The following ZNF804A variants were observed in gnomAD, a reference collection of about 807,000 sequenced individuals.
ZNF804A encodes the protein zinc finger protein 804A.
A neutral mutation model predicts 16.5 loss-of-function variants in ZNF804A; 2 were observed. The ratio of observed to expected loss-of-function variants is 0.12; its 90% CI spans 0.05 to 0.38. The LOEUF (loss-of-function observed/expected upper bound fraction) is 0.38. ZNF804A is among the 10% of genes least tolerant of loss of function. ZNF804A has a pLI of 0.99. For missense variants in ZNF804A, 1,473 were observed against 1,390.7 expected, an observed-to-expected ratio of 1.06 and a Z score of -0.94; for synonymous variants, 534 against 489.6, an observed-to-expected ratio of 1.09 and a Z score of -1.20.
chr2:184,642,913 G>A (rs376608151), intron 1 of ZNF804A, among the ~76,000 whole-genome samples: 4 of 152,042 alleles, frequency 2.6e-5, no homozygotes, highest in East Asian at 3.9e-4. Context: ...ATGGATAATG[G>A]AGTCATATAT....
At chr2:184,705,816 G>A (rs949176233) in intron 1 of ZNF804A, among the ~76,000 whole-genome samples, 2 of 151,988 alleles carry the variant, frequency 1.3e-5, no homozygotes, top group African/African-American at 4.8e-5. Context: ...TGTGGTTTGG[G>A]GCTTAAAACA....
At chr2:184,882,872 G>A (rs1047223289) in intron 2 of ZNF804A, among the ~76,000 whole-genome samples, 2 of 151,700 alleles carry the variant, frequency 1.3e-5, no homozygotes, top group Non-Finnish European at 2.9e-5. Flanking sequence ...CACAACTAAA[G>A]GAACTAGAGG....
intron 2 of ZNF804A, among the ~76,000 whole-genome samples, chr2:184,933,125 T>G (rs1035917755): frequency 2.3e-5 from 3 of 133,012 alleles, no homozygotes; most frequent in African/African-American, 8.9e-5. Flanking sequence ...AATAAACTTT[T>G]CACTTACACA....
At chr2:184,893,143 TATATTAAA>T (rs1685014293) in intron 2 of ZNF804A, among the ~76,000 whole-genome samples, 1 of 152,096 alleles carries the variant, frequency 6.6e-6, no homozygotes, top group Non-Finnish European at 1.5e-5. Flanking sequence ...TCTACAAGTA[TATATTAAA>T]ATATTCTCAT....
At chr2:184,892,364 A>AT (rs1325952770) in intron 2 of ZNF804A, among the ~76,000 whole-genome samples, 4 of 151,864 alleles carry the variant, frequency 2.6e-5, no homozygotes, top group Non-Finnish European at 4.4e-5. Flanking sequence ...GGTAATGTGC[A>AT]TTTTTTGGGT....
chr2:184,892,125 T>A (rs188091970), intron 2 of ZNF804A, among the ~76,000 whole-genome samples: 68 of 152,338 alleles, frequency 4.5e-4, no homozygotes, highest in Non-Finnish European at 2.2e-4. Flanking sequence ...TTTATAATTA[T>A]TAGTTTTGAA....
At chr2:184,900,579 T>TG (rs1303620301) in intron 2 of ZNF804A, among the ~76,000 whole-genome samples, 2 of 152,132 alleles carry the variant, frequency 1.3e-5, no homozygotes, top group African/African-American at 4.8e-5. Context: ...TCTCATGTCC[T>TG]GGGTGTATTA....
chr2:184,659,465 A>G (rs1213168826), intron 1 of ZNF804A, among the ~76,000 whole-genome samples: 1 of 151,960 alleles, frequency 6.6e-6, no homozygotes, highest in African/African-American at 2.4e-5. Context: ...TTTTATATAT[A>G]CCTATATATA....
chr2:184,856,717 A>G (rs556502556), intron 1 of ZNF804A, among the ~76,000 whole-genome samples: 1 of 152,224 alleles, frequency 6.6e-6, no homozygotes, highest in South Asian at 2.1e-4. Flanking sequence ...CATGCATATA[A>G]TTGAAAATAT....
At chr2:184,666,961 A>ATTTTGG (rs1020410110) in intron 1 of ZNF804A, among the ~76,000 whole-genome samples, 4 of 151,984 alleles carry the variant, frequency 2.6e-5, no homozygotes, top group African/African-American at 9.7e-5. Flanking sequence ...TTACATCTAA[A>ATTTTGG]TTTTGGTTTT....
Position 184,938,196 on chromosome 2 carries a change from C to T in ZNF804A, c.2800C>T (p.Leu934Phe). ...AAAAGAAGCAATTGACAATACCCTG[C>T]TTGAACACAAAGAAAGAAGTGAGAA... The part of the protein sequence containing the change: ...PTKEAIDNTL[L>F]EHKERSENIN... Residue 934 changes from leucine (L) to phenylalanine (F), a missense_variant, in exon 4 of 4, where the codon CTT (leucine) becomes TTT (phenylalanine). Leu to Phe is a conservative substitution (Grantham distance 22). Transcript: ENST00000302277. 1 of 1,614,076 alleles carries T rather than the reference C, an allele frequency of 6.2e-7. No individual in the cohort carries two copies. The highest frequency in any genetic ancestry group is 2.2e-5 in the East Asian group (1 of 44,852).
chr2:184,825,426 T>C (rs1318263273), intron 1 of ZNF804A, among the ~76,000 whole-genome samples: 1 of 152,214 alleles, frequency 6.6e-6, no homozygotes, highest in Non-Finnish European at 1.5e-5. Flanking sequence ...TCACATGTTT[T>C]GTTTTCTTAT....
At chr2:184,750,760 A>G (rs1156331501) in intron 1 of ZNF804A, among the ~76,000 whole-genome samples, 1 of 151,456 alleles carries the variant, frequency 6.6e-6, no homozygotes, top group African/African-American at 2.4e-5. Flanking sequence ...TATGCTATAT[A>G]GTAAACCTCT....
At chr2:184,895,855 AT>A (rs1239204649) in intron 2 of ZNF804A, among the ~76,000 whole-genome samples, 1 of 152,172 alleles carries the variant, frequency 6.6e-6, no homozygotes, top group Admixed American at 6.5e-5. Context: ...CACAAAATGT[AT>A]TGTTTTTGCT....
intron 2 of ZNF804A, among the ~76,000 whole-genome samples, chr2:184,891,322 T>C (rs1684980813): frequency 6.6e-6 from 1 of 152,124 alleles, no homozygotes; most frequent in Non-Finnish European, 1.5e-5. Flanking sequence ...TATACTCTGG[T>C]TTTACTCCTG....
intron 1 of ZNF804A, among the ~76,000 whole-genome samples, chr2:184,656,411 C>T (rs1469322593): frequency 3.3e-5 from 5 of 152,142 alleles, no homozygotes; most frequent in African/African-American, 7.2e-5. Context: ...TAAGGAAAAT[C>T]TGAGGAGTAT....
chr2:184,912,121 A>G (rs1056805521), intron 2 of ZNF804A, among the ~76,000 whole-genome samples: 7 of 152,008 alleles, frequency 4.6e-5, no homozygotes, highest in Admixed American at 4.6e-4. Flanking sequence ...TTCACAAAAA[A>G]CAACTCTCTA....
intron 1 of ZNF804A, among the ~76,000 whole-genome samples, chr2:184,642,657 C>T (rs76460518): frequency 0.018 from 2,693 of 152,200 alleles, 58 homozygotes; most frequent in African/African-American, 0.061. Context: ...CTGGCCAAGC[C>T]AAGTTTCATT....
intron 1 of ZNF804A, among the ~76,000 whole-genome samples, chr2:184,774,148 T>C (rs17617913): frequency 0.12 from 17,804 of 151,936 alleles, 1,444 homozygotes; most frequent in East Asian, 0.33. Flanking sequence ...CTATTTGATA[T>C]GTATATAGTG....
Sources: gnomAD v4.1 joint callset for allele counts (sites outside exome capture counted in the v4.1 genomes callset) on GRCh38, gnomAD v4.1.1 for gene constraint, MANE v1.5 for transcripts, NCBI Gene and HGNC (gene_info 2026-07-23, HGNC 2026-07-21) for gene names.